Variants in TMTC2 observed in about 807,000 individuals in gnomAD.
The protein encoded by TMTC2 is protein O-mannosyl-transferase TMTC2.
In TMTC2, 43 loss-of-function variants were observed where a neutral mutation model predicts 82.4. The ratio of observed to expected loss-of-function variants is 0.52; its 90% confidence interval spans 0.41 to 0.67. TMTC2 has a LOEUF of 0.67. Among genes scored for constraint, TMTC2 ranks in the 30% least tolerant of loss-of-function variants. TMTC2 has a pLI of 0.00. For missense variants in TMTC2, 919 were observed against 1,012.4 expected, an observed-to-expected ratio of 0.91 and a Z score of 1.25; for synonymous variants, 408 against 381.9, an observed-to-expected ratio of 1.07 and a Z score of -0.80.
At chr12:82,793,131 T>C (rs893811168) in intron 1 of TMTC2, among the ~76,000 whole-genome samples, 11 of 152,266 alleles carry the variant, frequency 7.2e-5, no homozygotes, top group Admixed American at 1.3e-4. Flanking sequence ...TTATTCAGAA[T>C]TGTTTCCACA....
At chr12:82,938,353 C>T (rs1397807753) in intron 4 of TMTC2, among the ~76,000 whole-genome samples, 3 of 152,094 alleles carry the variant, frequency 2.0e-5, no homozygotes, top group African/African-American at 7.2e-5. Flanking sequence ...AGTTTAAAAA[C>T]AGTTTGGCCT....
chr12:83,108,271 A>C (rs1460421458), intron 11 of TMTC2, among the ~76,000 whole-genome samples: 1 of 152,114 alleles, frequency 6.6e-6, no homozygotes, highest in Admixed American at 6.5e-5. Context: ...CTTGATTTAT[A>C]TATTAATTTT....
chr12:83,003,221 G>A (rs1159692401), intron 8 of TMTC2, among the ~76,000 whole-genome samples: 1 of 152,004 alleles, frequency 6.6e-6, no homozygotes, highest in Non-Finnish European at 1.5e-5. Context: ...TGTTTTATCT[G>A]ATATGAGAAT....
intron 9 of TMTC2, among the ~76,000 whole-genome samples, chr12:83,033,232 A>G (rs1881513422): frequency 6.6e-6 from 1 of 152,220 alleles, no homozygotes; most frequent in South Asian, 2.1e-4. Flanking sequence ...TGCTCAGATT[A>G]TAAAACATGA....
intron 9 of TMTC2, among the ~76,000 whole-genome samples, chr12:83,038,912 A>G (rs989884372): frequency 6.0e-5 from 9 of 150,954 alleles, no homozygotes; most frequent in Admixed American, 1.3e-4. Flanking sequence ...AAAATATGAA[A>G]GAACAAGCAC....
At chr12:82,965,944 G>A (rs1878186357) in intron 6 of TMTC2, 200 bp downstream of exon 6, 3 of 572,436 alleles carry the variant, frequency 5.2e-6, no homozygotes, top group South Asian at 2.8e-5. Context: ...AAAAGCTTCT[G>A]CTAAATAAAA....
intron 7 of TMTC2, among the ~76,000 whole-genome samples, chr12:82,974,798 G>T (rs936172210): frequency 6.6e-6 from 1 of 152,172 alleles, no homozygotes; most frequent in Admixed American, 6.5e-5. Context: ...AAAAGGGTAC[G>T]ATCTAGTGTA....
At chr12:82,930,249 G>C (rs184109662) in intron 3 of TMTC2, among the ~76,000 whole-genome samples, 182 bp from the exon 4 acceptor site, 2 of 152,016 alleles carry the variant, frequency 1.3e-5, no homozygotes, top group African/African-American at 2.4e-5. Context: ...ATTTTTTAAG[G>C]CTTTGATTAT....
chr12:82,903,561 G>A (rs1405236068), intron 3 of TMTC2, among the ~76,000 whole-genome samples: 1 of 152,018 alleles, frequency 6.6e-6, no homozygotes, highest in African/African-American at 2.4e-5. Flanking sequence ...ACAGGCGCCC[G>A]CCACCACGCC....
In TMTC2 at chr12:82,979,589, T is replaced by C. The variant is rs1172671118; in HGVS notation, c.1949-6336T>C. 5.3e-5 allele frequency among the ~76,000 whole-genome samples: 8 copies of C among 151,934 alleles called. No homozygotes were observed. The East Asian group carries it at 1.5e-3, about 29-fold the overall frequency. On this transcript the variant is annotated intron_variant, in intron 7 of 11. Coordinates refer to ENST00000321196, the MANE Select transcript of TMTC2 (RefSeq NM_152588.3). ...GTTTTGATTGGTTCATTTTTCAATC[T>C]TTCAACTCAAGATATGAGTAATTAT...
At chr12:82,848,532 T>C (rs1870807045) in intron 1 of TMTC2, among the ~76,000 whole-genome samples, 1 of 152,120 alleles carries the variant, frequency 6.6e-6, no homozygotes, top group African/African-American at 2.4e-5. Flanking sequence ...TCTATTTTGC[T>C]CATCATTCCA....
At chr12:83,050,820 A>G (rs970872080) in intron 9 of TMTC2, 84 bp from the exon 10 acceptor site, 2 of 793,868 alleles carry the variant, frequency 2.5e-6, no homozygotes, top group Non-Finnish European at 4.1e-6. Context: ...CACCTTTACC[A>G]CTGTACTTAT....
chr12:82,792,208 G>A (rs1451593528), intron 1 of TMTC2, among the ~76,000 whole-genome samples: 2 of 152,058 alleles, frequency 1.3e-5, no homozygotes, highest in African/African-American at 2.4e-5. Context: ...TATCAAGACC[G>A]AAAACAAAAT....
At chr12:83,099,712 T>C (rs935590827) in intron 11 of TMTC2, among the ~76,000 whole-genome samples, 6 of 151,868 alleles carry the variant, frequency 4.0e-5, no homozygotes, top group African/African-American at 1.5e-4. Context: ...AAAACAGAAC[T>C]TATGTTTTAC....
chr12:82,922,625 C>A (rs1237970923), intron 3 of TMTC2, among the ~76,000 whole-genome samples: 2 of 151,980 alleles, frequency 1.3e-5, no homozygotes, highest in Non-Finnish European at 2.9e-5. Flanking sequence ...TTTCTCTTTG[C>A]AGCATAGACA....
chr12:82,949,125 A>G (rs1414214347), intron 4 of TMTC2, among the ~76,000 whole-genome samples: 1 of 152,238 alleles, frequency 6.6e-6, no homozygotes, highest in Non-Finnish European at 1.5e-5. Flanking sequence ...CTTGTATTCC[A>G]GCGTAGGAGT....
chr12:83,117,638 G>T (rs1436807004), intron 11 of TMTC2, among the ~76,000 whole-genome samples: 2 of 152,070 alleles, frequency 1.3e-5, no homozygotes, highest in African/African-American at 4.8e-5. Flanking sequence ...GGCTATGTGG[G>T]CTCCTTTTTG....
At chr12:82,769,665 C>T (rs1877179180) in intron 1 of TMTC2, among the ~76,000 whole-genome samples, 2 of 152,148 alleles carry the variant, frequency 1.3e-5, no homozygotes, top group Admixed American at 1.3e-4. Context: ...GGCTGGAGTG[C>T]AGTGGCGCCA....
chr12:82,987,568 A>C (rs2137341366), intron 8 of TMTC2, among the ~76,000 whole-genome samples: 1 of 152,308 alleles, frequency 6.6e-6, no homozygotes, highest in African/African-American at 2.4e-5. Flanking sequence ...TAGTAAGAGA[A>C]GTTCCTAGGA....
Sources: allele counts gnomAD v4.1 joint callset (sites outside exome capture counted in the v4.1 genomes callset), GRCh38; gene constraint gnomAD v4.1.1; transcripts MANE v1.5; gene names NCBI Gene and HGNC (gene_info 2026-07-23, HGNC 2026-07-21).